MMD2: variants seen among roughly 807,000 people sequenced by gnomAD.
The protein encoded by MMD2 is monocyte to macrophage differentiation factor 2.
MMD2 carries 30 observed loss-of-function variants against 33.5 expected under a neutral mutation model. The ratio of observed to expected loss-of-function variants is 0.90; its 90% CI spans 0.67 to 1.22. MMD2 has a LOEUF of 1.22. Among genes scored for constraint, MMD2 ranks in the 50% most tolerant of loss-of-function variants. The pLI, the probability that MMD2 is intolerant of heterozygous loss-of-function variation, is 0.00. For synonymous variants in MMD2, 129 were observed against 123.0 expected (o/e 1.05, Z -0.32); for missense variants, 364 against 325.4 (o/e 1.12, Z -0.91).
intron 3 of MMD2, among the ~76,000 whole-genome samples, chr7:4,918,066 C>G (rs1189792617): frequency 3.3e-5 from 5 of 152,318 alleles, no homozygotes; most frequent in African/African-American, 4.8e-5. Flanking sequence ...AGCTCACCAG[C>G]CAAGTGAGGG....
At position 4,959,165 on chromosome 7, in the gene MMD2, C is replaced by G; in HGVS notation, c.-148G>C. 1 of 555,832 alleles carries G rather than the reference C, an allele frequency of 1.8e-6. No homozygotes were observed. The highest frequency in any genetic ancestry group is 2.6e-6 in the Non-Finnish European group (1 of 381,874). The allele number at this position is 555,832 out of a possible 1,614,324, so 34.4% of individuals were successfully genotyped here. ...CGGCGCCCGGAGCCGGAGCCGGAGCCCGAGCCGGAGCTGGAGGCGCCCGGA... is the reference window on the plus strand; with the variant it reads ...CGGCGCCCGGAGCCGGAGCCGGAGCGCGAGCCGGAGCTGGAGGCGCCCGGA... On this transcript the variant is annotated 5_prime_UTR_variant, in exon 1 of 7. Transcript: ENST00000401401.
chr7:4,928,955 C>A (rs1206708000), intron 1 of MMD2, among the ~76,000 whole-genome samples: 1 of 152,224 alleles, frequency 6.6e-6, no homozygotes, highest in African/African-American at 2.4e-5. Flanking sequence ...TGATTGAGCA[C>A]CTTCTGTGTG....
chr7:4,930,878 T>C (rs1207018800), intron 1 of MMD2, among the ~76,000 whole-genome samples: 1 of 152,052 alleles, frequency 6.6e-6, no homozygotes, highest in Non-Finnish European at 1.5e-5. Context: ...TGAGACCGAG[T>C]CTTGCTCTAT....
In MMD2 at chr7:4,907,093, C is replaced by G; in HGVS notation, c.*303G>C. On this transcript the variant is annotated 3_prime_UTR_variant, in exon 7 of 7. Transcript: ENST00000401401. Reference sequence around the variant, plus strand: ...AAACACAGATTGGCCCGTCATTCCCCAATTTTCCAGGACCATGCCTGCTTC... The same window carrying G: ...AAACACAGATTGGCCCGTCATTCCCGAATTTTCCAGGACCATGCCTGCTTC... 1 of 362,258 alleles carries G rather than the reference C, an allele frequency of 2.8e-6. No individual in the cohort carries two copies. The highest frequency in any genetic ancestry group is 5.1e-6 in the Non-Finnish European group (1 of 196,056). The allele number at this position is 362,258 out of a possible 1,614,324, so 22.4% of individuals were successfully genotyped here.
the MMD2 span, among the ~76,000 whole-genome samples, chr7:4,893,332 G>A: frequency 2.0e-5 from 3 of 151,298 alleles, no homozygotes; most frequent in Non-Finnish European, 2.9e-5. Flanking sequence ...CATCACCAAG[G>A]GCTGCTGGTT....
At chr7:4,921,715 A>G (rs908844186) in intron 2 of MMD2, among the ~76,000 whole-genome samples, 4 of 151,888 alleles carry the variant, frequency 2.6e-5, no homozygotes, top group Admixed American at 2.0e-4. Context: ...CTGCAAGATC[A>G]GCCCAGGTGA....
intron 1 of MMD2, among the ~76,000 whole-genome samples, chr7:4,944,237 C>T (rs1232985370): frequency 6.6e-6 from 1 of 151,764 alleles, no homozygotes; most frequent in Admixed American, 6.6e-5. Context: ...ATCGAACCAC[C>T]GCACTTCAGC....
At chr7:4,953,629 C>G in intron 1 of MMD2, among the ~76,000 whole-genome samples, 1 of 151,526 alleles carries the variant, frequency 6.6e-6, no homozygotes, top group Non-Finnish European at 1.5e-5. Flanking sequence ...TGCCACCACA[C>G]CCGGCTAATT....
At chr7:4,907,849 C>A (rs1458249709) in intron 6 of MMD2, among the ~76,000 whole-genome samples, 1 of 152,116 alleles carries the variant, frequency 6.6e-6, no homozygotes, top group African/African-American at 2.4e-5. Flanking sequence ...GTCTGTTGCC[C>A]CAGCGGGAGT....
intron 1 of MMD2, among the ~76,000 whole-genome samples, chr7:4,941,728 G>A (rs1350553774): frequency 6.6e-6 from 1 of 150,972 alleles, no homozygotes; most frequent in African/African-American, 2.4e-5. Flanking sequence ...TAGGTTCAGG[G>A]GTACATGTGC....
intron 1 of MMD2, among the ~76,000 whole-genome samples, chr7:4,945,773 T>C (rs1786058370): frequency 6.8e-6 from 1 of 147,560 alleles, no homozygotes; most frequent in Non-Finnish European, 1.5e-5. Flanking sequence ...TGGGGATTCA[T>C]CATGTTGCCC....
At chr7:4,924,187 G>T (rs1001884776) in intron 2 of MMD2, among the ~76,000 whole-genome samples, 2 of 152,048 alleles carry the variant, frequency 1.3e-5, no homozygotes, top group Admixed American at 1.3e-4. Context: ...GCGAGACTTC[G>T]TCTCAAAAAA....
intron 1 of MMD2, among the ~76,000 whole-genome samples, chr7:4,958,072 G>A (rs1185658596): frequency 6.6e-6 from 1 of 152,130 alleles, no homozygotes; most frequent in Non-Finnish European, 1.5e-5. Flanking sequence ...CTCTGTTCAC[G>A]AAGGCAGGGG....
chr7:4,945,185 T>TTTCTTCTTCTTCCTCTTCTTC lies in MMD2; in HGVS notation c.47+13785_47+13786insGAAGAAGAGGAAGAAGAAGAA, dbSNP rs1250418488. On this transcript the variant is annotated intron_variant, in intron 1 of 6. Coordinates refer to ENST00000401401, the MANE Select transcript of MMD2 (RefSeq NM_198403.4). ...TTCTTCCTTCTTCCTCCTCTTCCTC[T>TTTCTTCTTCTTCCTCTTCTTC]TTCTTCTTCTTCTTCTTCTTCTTCT... Among the ~76,000 whole-genome samples the TTTCTTCTTCTTCCTCTTCTTC allele has an allele frequency of 5.3e-5, 5 of 93,540 alleles. No individual in the cohort carries two copies. The South Asian group carries it at 1.6e-3, about 29-fold the overall frequency. The allele number at this position is 93,540 out of a possible 152,430, so 61.4% of individuals were successfully genotyped here. A position where few individuals can be genotyped will look rare whatever the true frequency, so the allele number is the denominator to read the frequency against.
chr7:4,909,203 T>C (rs73314084), intron 6 of MMD2, among the ~76,000 whole-genome samples: 7,084 of 151,912 alleles, frequency 0.047, 590 homozygotes, highest in African/African-American at 0.16. Context: ...TGAAAGAAAC[T>C]CTCCGCAGGG....
chr7:4,903,327 C>T (rs1236988822), downstream of MMD2, among the ~76,000 whole-genome samples: 1 of 152,164 alleles, frequency 6.6e-6, no homozygotes, highest in Non-Finnish European at 1.5e-5. Context: ...TGTCAACCCC[C>T]TGTGCAAGCC....
the MMD2 span, among the ~76,000 whole-genome samples, chr7:4,895,004 GTC>G: frequency 1.3e-5 from 2 of 151,942 alleles, no homozygotes; most frequent in Non-Finnish European, 2.9e-5. Context: ...TTTAAACGTA[GTC>G]TCTGACTCTC....
chr7:4,903,485 C>T (rs73314068), downstream of MMD2, among the ~76,000 whole-genome samples: 1,279 of 152,290 alleles, frequency 8.4e-3, 12 homozygotes, highest in African/African-American at 0.029. Flanking sequence ...CACACCACAC[C>T]TTCAGCTTCC....
intron 1 of MMD2, among the ~76,000 whole-genome samples, chr7:4,937,989 T>C (rs1427989084): frequency 9.2e-5 from 13 of 141,220 alleles, no homozygotes; most frequent in Non-Finnish European, 1.8e-4. Flanking sequence ...TTTTTTTCTT[T>C]TTTTCTTTCT....
Sources: gnomAD v4.1 joint callset for allele counts (sites outside exome capture counted in the v4.1 genomes callset) on GRCh38, gnomAD v4.1.1 for gene constraint, MANE v1.5 for transcripts, NCBI Gene and HGNC (gene_info 2026-07-23, HGNC 2026-07-21) for gene names.